Variants in AKT3 observed in about 807,000 individuals in gnomAD.
The protein encoded by AKT3 is AKT serine/threonine kinase 3, also known as RAC-gamma serine/threonine-protein kinase.
AKT3 carries 15 observed loss-of-function variants against 65.3 expected under a neutral mutation model. The ratio of observed to expected loss-of-function variants is 0.23; its 90% CI spans 0.15 to 0.35. The LOEUF is 0.35. Ranked by LOEUF, AKT3 falls within the 10% of genes least tolerant of loss-of-function variation. The pLI is 1.00. For synonymous variants in AKT3, 206 were observed against 183.8 expected, an observed-to-expected ratio of 1.12 and a Z score of -0.98; for missense variants, 243 against 576.5, an observed-to-expected ratio of 0.42 and a Z score of 5.92.
intron 2 of AKT3, among the ~76,000 whole-genome samples, chr1:243,776,091 C>G (rs1690525126): frequency 6.6e-6 from 1 of 152,212 alleles, no homozygotes; most frequent in Non-Finnish European, 1.5e-5. Flanking sequence ...CTACAACTGT[C>G]TCTTTCTTCC....
chr1:243,688,148 T>C (rs992681420), intron 3 of AKT3, among the ~76,000 whole-genome samples: 1 of 151,712 alleles, frequency 6.6e-6, no homozygotes, highest in Non-Finnish European at 1.5e-5. Context: ...TTAAATAAAG[T>C]AAATCAAGAA....
intron 8 of AKT3, among the ~76,000 whole-genome samples, chr1:243,599,804 T>C (rs1676881806): frequency 6.6e-6 from 1 of 152,114 alleles, no homozygotes; most frequent in African/African-American, 2.4e-5. Context: ...TCCTGCTCTT[T>C]AACACTGTTC....
chr1:243,578,554 T>A (rs1675111629), intron 8 of AKT3, among the ~76,000 whole-genome samples: 1 of 151,932 alleles, frequency 6.6e-6, no homozygotes, highest in Non-Finnish European at 1.5e-5. Flanking sequence ...GGGAGGGAGA[T>A]CATCAGGAAA....
chr1:243,709,379 G>A (rs536069761), intron 2 of AKT3, among the ~76,000 whole-genome samples: 12 of 151,518 alleles, frequency 7.9e-5, no homozygotes, highest in African/African-American at 2.4e-4. Flanking sequence ...AAGATCTCAC[G>A]TGGATGACAC....
intron 10 of AKT3, among the ~76,000 whole-genome samples, chr1:243,556,595 T>A (rs564587786): frequency 6.6e-6 from 1 of 152,102 alleles, no homozygotes; most frequent in African/African-American, 2.4e-5. Context: ...AAATTAAACA[T>A]CTAAACAAAC....
chr1:243,540,966 A>G (rs765456798), intron 12 of AKT3, among the ~76,000 whole-genome samples: 3 of 152,168 alleles, frequency 2.0e-5, no homozygotes, highest in South Asian at 2.1e-4. Context: ...CATGAAGTCA[A>G]CATCTTACTT....
At chr1:243,672,558 A>G (rs558038005) in intron 3 of AKT3, among the ~76,000 whole-genome samples, 14 of 152,350 alleles carry the variant, frequency 9.2e-5, no homozygotes, top group African/African-American at 3.1e-4. Flanking sequence ...TGGATTACTA[A>G]CATTACATTT....
chr1:243,742,992 CA>C (rs1688255644), intron 2 of AKT3, among the ~76,000 whole-genome samples: 1 of 152,054 alleles, frequency 6.6e-6, no homozygotes, highest in East Asian at 1.9e-4. Context: ...CAGAAGAGGT[CA>C]GAAGGAGGTA....
chr1:243,687,285 G>A (rs35319356), intron 3 of AKT3, among the ~76,000 whole-genome samples: 1 of 152,076 alleles, frequency 6.6e-6, no homozygotes, highest in Non-Finnish European at 1.5e-5. Context: ...AAGAGGCTCA[G>A]AAAGTAAAGA....
chr1:243,730,411 A>C (rs1172901441), intron 2 of AKT3, among the ~76,000 whole-genome samples: 1 of 152,224 alleles, frequency 6.6e-6, no homozygotes, highest in Non-Finnish European at 1.5e-5. Flanking sequence ...GGACCCACCC[A>C]ACAGTGGGCA....
chr1:243,490,542 C>T (rs1381313644), intron 13 of AKT3, among the ~76,000 whole-genome samples: 1 of 152,244 alleles, frequency 6.6e-6, no homozygotes, highest in East Asian at 1.9e-4. Flanking sequence ...GCTGAATCCC[C>T]TGCCCCCGCT....
At chr1:243,497,124 G>C (rs950917234), downstream of AKT3, among the ~76,000 whole-genome samples, 8 of 152,186 alleles carry the variant, frequency 5.3e-5, no homozygotes, top group Non-Finnish European at 1.0e-4. Context: ...GTTGATGACA[G>C]GACTTCCTGG....
chr1:243,639,317 C>T (rs988742378), intron 5 of AKT3, among the ~76,000 whole-genome samples: 4 of 152,130 alleles, frequency 2.6e-5, no homozygotes, highest in Non-Finnish European at 5.9e-5. Flanking sequence ...CAAGAAATGA[C>T]ACCAATTTTA....
intron 8 of AKT3, among the ~76,000 whole-genome samples, chr1:243,574,664 T>G (rs1674810885): frequency 6.6e-6 from 1 of 152,166 alleles, no homozygotes; most frequent in South Asian, 2.1e-4. Flanking sequence ...TCATTTCATA[T>G]AGTTAGATAT....
At chr1:243,846,987 T>C (rs1695547530) in intron 1 of AKT3, among the ~76,000 whole-genome samples, 1 of 152,190 alleles carries the variant, frequency 6.6e-6, no homozygotes, top group Admixed American at 6.5e-5. Context: ...TAGCATTAAC[T>C]CTAAACTGAA....
chr1:243,594,877 A>G (rs1676486998), intron 8 of AKT3, among the ~76,000 whole-genome samples: 1 of 152,168 alleles, frequency 6.6e-6, no homozygotes, highest in Non-Finnish European at 1.5e-5. Flanking sequence ...CCCATGTCTG[A>G]CTAAAGGACA....
intron 12 of AKT3, among the ~76,000 whole-genome samples, chr1:243,516,838 T>C (rs1393618481): frequency 6.6e-6 from 1 of 152,218 alleles, no homozygotes; most frequent in African/African-American, 2.4e-5. Context: ...CTCCTCTACC[T>C]TGGCCTTCAA....
At chr1:243,815,389 C>T (rs1477872883) in intron 2 of AKT3, among the ~76,000 whole-genome samples, 1 of 152,150 alleles carries the variant, frequency 6.6e-6, no homozygotes, top group Admixed American at 6.5e-5. Context: ...CCCCTTTCCT[C>T]GTGTTTCCGT....
chr1:243,777,243 A>G (rs1425605492), intron 2 of AKT3, among the ~76,000 whole-genome samples: 3 of 152,148 alleles, frequency 2.0e-5, no homozygotes, highest in African/African-American at 7.2e-5. Flanking sequence ...TGCAACCTAG[A>G]TCTGTCACGT....
Sources: gnomAD v4.1 joint callset for allele counts (sites outside exome capture counted in the v4.1 genomes callset) on GRCh38, gnomAD v4.1.1 for gene constraint, MANE v1.5 for transcripts, NCBI Gene and HGNC (gene_info 2026-07-23, HGNC 2026-07-21) for gene names.